Variants in TTLL9 observed in about 807,000 individuals in gnomAD.
TTLL9 encodes probable tubulin polyglutamylase TTLL9.
A neutral mutation model predicts 65.6 loss-of-function variants in TTLL9; 47 were observed. The observed-to-expected ratio is 0.72, with a 90% CI of 0.57 to 0.91. The LOEUF is 0.91. Ranked by LOEUF, TTLL9 falls within the 40% of genes least tolerant of loss-of-function variation. The pLI is 0.00. For synonymous variants in TTLL9, 179 were observed against 204.8 expected (o/e 0.87, Z 1.07); for missense variants, 537 against 568.8 (o/e 0.94, Z 0.57).
Position 31,892,246 on chromosome 20 carries a change from C to G in TTLL9, c.113+5007C>G, listed in dbSNP as rs1268031669. Among the ~76,000 whole-genome samples the G allele has an allele frequency of 2.0e-5, 3 of 150,358 alleles. No homozygotes were observed. In the East Asian group the frequency reaches 5.9e-4, roughly 29 times the overall value. On this transcript the variant is annotated intron_variant, in intron 3 of 14. Transcript: ENST00000535842. ...CCAGGCTGGAGTGCACTGGTGTGATCTCAGCTCACTGCAAACTCTGCCTCC... is the reference window on the plus strand; with the variant it reads ...CCAGGCTGGAGTGCACTGGTGTGATGTCAGCTCACTGCAAACTCTGCCTCC...
intron 11 of TTLL9, among the ~76,000 whole-genome samples, chr20:31,934,111 C>G (rs1485803950): frequency 6.6e-6 from 1 of 152,250 alleles, no homozygotes; most frequent in Admixed American, 6.5e-5. Flanking sequence ...TATCCTCCTA[C>G]CTTGACAGAT....
chr20:31,886,450 T>A (rs1229444458), intron 2 of TTLL9, among the ~76,000 whole-genome samples: 2 of 152,204 alleles, frequency 1.3e-5, no homozygotes, highest in South Asian at 2.1e-4. Flanking sequence ...GTGAAAGGAA[T>A]GAACATTGCT....
intron 4 of TTLL9, among the ~76,000 whole-genome samples, chr20:31,901,911 G>A (rs547996240): frequency 5.9e-5 from 9 of 152,138 alleles, no homozygotes; most frequent in African/African-American, 1.7e-4. Context: ...AAGACTGTGC[G>A]CACCACCTGG....
chr20:31,914,874 A>G (rs2063710653), intron 6 of TTLL9, among the ~76,000 whole-genome samples: 1 of 152,212 alleles, frequency 6.6e-6, no homozygotes, highest in South Asian at 2.1e-4. Flanking sequence ...GCTAGACCTC[A>G]ACTGGAAGCC....
At chr20:31,879,842 G>T (rs373979833) in intron 2 of TTLL9, 4 of 1,549,942 alleles carry the variant, frequency 2.6e-6, no homozygotes, top group Admixed American at 3.9e-5. Context: ...CACGCGAGGC[G>T]CGCGGTGGCG....
chr20:31,895,361 G>GT (rs2063368184), intron 3 of TTLL9, among the ~76,000 whole-genome samples: 2 of 152,164 alleles, frequency 1.3e-5, no homozygotes, highest in Non-Finnish European at 2.9e-5. Flanking sequence ...CTGAGAAACC[G>GT]TGTCAGGCTA....
At position 31,944,279 on chromosome 20, in the gene TTLL9, G is replaced by C. The variant is rs2064277411; in HGVS notation, c.*1258G>C. Reference sequence around the variant, plus strand: ...CAGCACCCACCCTGCCAGGGAGGAAGGGGCAATTTTCCAGTGATGAAATTG... The same window carrying C: ...CAGCACCCACCCTGCCAGGGAGGAACGGGCAATTTTCCAGTGATGAAATTG... On this transcript the variant is annotated 3_prime_UTR_variant, in exon 15 of 15. Transcript: ENST00000535842. 1 of 156,724 alleles carries C rather than the reference G, an allele frequency of 6.4e-6. No individual in the cohort carries two copies. Among genetic ancestry groups the C allele is most frequent in the Non-Finnish European group, 1.4e-5 (1 of 70,442 alleles). The allele number at this position is 156,724 out of a possible 1,614,324, so 9.7% of individuals were successfully genotyped here.
intron 5 of TTLL9, 84 bp from the exon 6 acceptor site, chr20:31,909,652 AG>A: frequency 1.5e-6 from 2 of 1,290,926 alleles, no homozygotes; most frequent in Middle Eastern, 2.6e-4. Context: ...TGGAGGCTGC[AG>A]GGTGGCTGGT....
At chr20:31,893,161 C>G (rs541005662) in intron 3 of TTLL9, among the ~76,000 whole-genome samples, 1 of 152,094 alleles carries the variant, frequency 6.6e-6, no homozygotes, top group South Asian at 2.1e-4. Context: ...ATTTCACTGT[C>G]ATATTTTAAG....
At chr20:31,891,083 G>A (rs1385454708) in intron 3 of TTLL9, among the ~76,000 whole-genome samples, 1 of 152,198 alleles carries the variant, frequency 6.6e-6, no homozygotes, top group Non-Finnish European at 1.5e-5. Flanking sequence ...TATAGAGCTA[G>A]GACAGGTTGC....
chr20:31,871,486 AC>A (rs1468953194), intron 2 of TTLL9, among the ~76,000 whole-genome samples: 4 of 152,222 alleles, frequency 2.6e-5, no homozygotes, highest in Admixed American at 2.6e-4. Flanking sequence ...AAGCAGCTGC[AC>A]CAGCTTTGTT....
intron 4 of TTLL9, 77 bp from the exon 5 acceptor site, chr20:31,908,514 G>A (rs1432481701): frequency 1.6e-5 from 16 of 995,796 alleles, no homozygotes; most frequent in South Asian, 5.4e-5. Context: ...AAGCCCCCTC[G>A]GCAGCACCTC....
intron 10 of TTLL9, among the ~76,000 whole-genome samples, chr20:31,931,198 G>GC (rs1281119584): frequency 2.7e-5 from 4 of 149,338 alleles, no homozygotes; most frequent in African/African-American, 7.4e-5. Flanking sequence ...TCCTACCTCA[G>GC]CCTCCCTTGT....
chr20:31,883,808 C>G (rs916781286), intron 2 of TTLL9, among the ~76,000 whole-genome samples: 1 of 151,660 alleles, frequency 6.6e-6, no homozygotes, highest in African/African-American at 2.4e-5. Context: ...GTACAGGAAA[C>G]TATAGGAACC....
In TTLL9 at chr20:31,870,650, G is replaced by T; in HGVS notation, c.-305G>T. 2 of 1,275,028 alleles carry T rather than the reference G, an allele frequency of 1.6e-6. No individual in the cohort carries two copies. Among genetic ancestry groups the T allele is most frequent in the Non-Finnish European group, 2.0e-6 (2 of 1,001,314 alleles). The allele number at this position is 1,275,028 out of a possible 1,614,324, so 79.0% of individuals were successfully genotyped here. A position where few individuals can be genotyped will look rare whatever the true frequency, so the allele number is the denominator to read the frequency against. ...CAAAGCCCCAGTGTGCCGGGCCCAC[G>T]GCCCGCGGGACAACGGCAGTTTGTT... On this transcript the variant is annotated 5_prime_UTR_variant, in exon 1 of 15. Transcript: ENST00000535842. This position sits in a 1 kb window ranked among gnomAD's most constrained non-coding sequence, Gnocchi z 6.6.
chr20:31,927,212 C>T (rs947629720), intron 10 of TTLL9, among the ~76,000 whole-genome samples: 2 of 149,832 alleles, frequency 1.3e-5, no homozygotes, highest in African/African-American at 2.5e-5. Flanking sequence ...CTGGGTGCAG[C>T]GGCTCACACC....
chr20:31,923,379 C>T (rs2123570296), intron 8 of TTLL9, among the ~76,000 whole-genome samples: 1 of 152,346 alleles, frequency 6.6e-6, no homozygotes, highest in East Asian at 1.9e-4. Flanking sequence ...CCTCACCCTG[C>T]TCTCCTGGAG....
Position 31,898,483 on chromosome 20 carries a change from G to A in TTLL9, c.124G>A (p.Ala42Thr). The change falls in exon 4 of 15, where the codon GCA becomes ACA. Residue 42 changes from alanine to threonine, a missense_variant. By Grantham distance (58) the Ala-to-Thr change is moderately conservative (BLOSUM62 0). This residue lies in a region of TTLL9 where 320 missense variants were observed against 311.0 expected (regional missense o/e 1.03). Transcript: ENST00000535842. ...TGCCTTGTCTTGCAGAGAGCAGAGAGCATCGATCCGGTTCAAGACCACCCT... is the reference window on the plus strand; with the variant it reads ...TGCCTTGTCTTGCAGAGAGCAGAGAACATCGATCCGGTTCAAGACCACCCT... ...LSKGKEREQR[A>T]SIRFKTTLMN... The A allele has an allele frequency of 6.2e-7, 1 of 1,614,170 alleles. No individual in the cohort carries two copies. Among genetic ancestry groups the A allele is most frequent in the Non-Finnish European group, 8.5e-7 (1 of 1,180,020 alleles).
At position 31,887,242 on chromosome 20, in the gene TTLL9, G is replaced by A. The variant is rs371052503; in HGVS notation, c.113+3G>A. 1.0e-3 allele frequency: 1,639 copies of A among 1,614,162 alleles called. 25 individuals are homozygous for A. In the South Asian group the frequency reaches 0.017, roughly 17 times the overall value. On this transcript the variant is annotated splice_donor_region_variant and intron_variant, in intron 3 of 14. Transcript: ENST00000535842. Reference sequence around the variant, plus strand: ...GGATTGTCAAAGGGAAAAGAGCGGTGAGTGGTCCCATCCAATCCAACAATC... The same window carrying A: ...GGATTGTCAAAGGGAAAAGAGCGGTAAGTGGTCCCATCCAATCCAACAATC...
Sources: gnomAD v4.1 joint callset for allele counts (sites outside exome capture counted in the v4.1 genomes callset) on GRCh38, gnomAD v4.1.1 for gene constraint, gnomAD v4.1.1 regional missense constraint, Gnocchi (gnomAD v3.1) non-coding constraint, MANE v1.5 for transcripts, NCBI Gene and HGNC (gene_info 2026-07-23, HGNC 2026-07-21) for gene names.